DNM2: variants seen among roughly 807,000 people sequenced by gnomAD.
The protein encoded by DNM2 is dynamin-2.
A neutral mutation model predicts 99.0 loss-of-function variants in DNM2; 15 were observed. That is an observed-to-expected ratio of 0.15 (90% CI 0.10 to 0.23). DNM2 has a LOEUF of 0.23. DNM2 is among the 10% of genes least tolerant of loss of function. The probability of loss-of-function intolerance (pLI) is 1.00; values close to 1 mark genes in which losing one functional copy is unlikely to be tolerated. For missense variants in DNM2, 742 were observed against 1,189.4 expected (o/e 0.62, Z 5.53); for synonymous variants, 525 against 481.2 (o/e 1.09, Z -1.19).
intron 1 of DNM2, 123 bp from the exon 2 acceptor site, chr19:10,759,615 G>A: frequency 2.6e-6 from 3 of 1,137,378 alleles, no homozygotes; most frequent in Non-Finnish European, 4.0e-6. Context: ...GCCCAGCTGG[G>A]GTTGGTGCCT....
chr19:10,805,065 C>T (rs926839543), intron 12 of DNM2, among the ~76,000 whole-genome samples: 1 of 152,102 alleles, frequency 6.6e-6, no homozygotes, highest in Admixed American at 6.5e-5. Context: ...AGTAGGTGTC[C>T]ACATATAAAA....
intron 11 of DNM2, 48 bp from the exon 12 acceptor site, chr19:10,802,240 C>T (rs1054120870): frequency 4.4e-6 from 7 of 1,606,724 alleles, no homozygotes; most frequent in Non-Finnish European, 6.0e-6. Flanking sequence ...GCTGCCCCCC[C>T]TTGCCAGGCT....
Position 10,779,493 on chromosome 19 carries a change from TC to T in DNM2, c.688+2278del, listed in dbSNP as rs1568296115. Among the ~76,000 whole-genome samples the T allele has an allele frequency of 2.8e-3, 330 of 119,540 alleles. 1 individual carries two copies. Among genetic ancestry groups the T allele is most frequent in the African/African-American group, 9.8e-3 (295 of 30,204 alleles). 78.4% of individuals were successfully genotyped at this position (119,540 alleles called of 152,430 possible). A position where few individuals can be genotyped will look rare whatever the true frequency, so the allele number is the denominator to read the frequency against. On this transcript the variant is annotated intron_variant, in intron 5 of 20. Coordinates refer to ENST00000389253, the MANE Select transcript of DNM2 (RefSeq NM_001005361.3). ...AAGTTTTTTTCTTTCTTTCTTTCTT[TC>T]TTTCTTTCTTTTTTTTTTTTTTTTT...
rs1278360961 is a variant in DNM2 at position 10,818,420 on chromosome 19, A to T, written c.1672-1560A>T. ...TCTGCAGTGGGCACCAAGCTCCTCC[A>T]TCCTCCTTGGATAGATGAGGAAACT... On this transcript the variant is annotated intron_variant, in intron 15 of 20. Transcript: ENST00000389253. This position sits in a 1 kb window ranked among gnomAD's most constrained non-coding sequence, Gnocchi z 4.3. Among the ~76,000 whole-genome samples, 1 of 152,282 alleles carries T rather than the reference A, an allele frequency of 6.6e-6. No individual in the cohort carries two copies. Among genetic ancestry groups the T allele is most frequent in the Non-Finnish European group, 1.5e-5 (1 of 68,014 alleles).
At chr19:10,741,086 C>T (rs1387727634) in intron 1 of DNM2, among the ~76,000 whole-genome samples, 1 of 152,078 alleles carries the variant, frequency 6.6e-6, no homozygotes, top group Non-Finnish European at 1.5e-5. Context: ...TCTGTCAGGT[C>T]TTATTGGTTT....
rs572493411 is a variant in DNM2 at position 10,783,015 on chromosome 19, C to T, written c.744C>T (p.Ile248=). 2 of 1,614,180 alleles carry T rather than the reference C, an allele frequency of 1.2e-6. No individual in the cohort carries two copies. Residue 248 remains isoleucine, a synonymous_variant, in exon 6 of 21, where the codon ATC becomes ATT. Coordinates refer to ENST00000389253, the MANE Select transcript of DNM2 (RefSeq NM_001005361.3). ...AGGATATTGAGGGCAAGAAGGACATCCGTGCAGCACTGGCAGCTGAGAGGA... is the reference window on the plus strand; with the variant it reads ...AGGATATTGAGGGCAAGAAGGACATTCGTGCAGCACTGGCAGCTGAGAGGA... ...SQKDIEGKKD[I]RAALAAERKF...
rs144122123 is a variant in DNM2, at chr19:10,799,643, C to T, written c.1422+1071C>T. Among the ~76,000 whole-genome samples, 23 of 150,458 alleles carry T rather than the reference C, an allele frequency of 1.5e-4. No homozygotes were observed. The East Asian group carries it at 3.6e-3, about 24-fold the overall frequency. ...CCACTTCCCAGGTTCAAGTGATTCTCATGCCTCAGCCTCCGAAGTAGCCAG... is the reference window on the plus strand; with the variant it reads ...CCACTTCCCAGGTTCAAGTGATTCTTATGCCTCAGCCTCCGAAGTAGCCAG... On this transcript the variant is annotated intron_variant, in intron 11 of 20. Coordinates refer to ENST00000389253, the MANE Select transcript of DNM2 (RefSeq NM_001005361.3).
Position 10,831,506 on chromosome 19 carries a change from G to C in DNM2, c.*459G>C, listed in dbSNP as rs1436361412. ...ATTAGCAGGAGCTCCCCAGCGGCAAGCCTGGCCCAGTGGGCTCGGTAGTGC... is the reference window on the plus strand; with the variant it reads ...ATTAGCAGGAGCTCCCCAGCGGCAACCCTGGCCCAGTGGGCTCGGTAGTGC... On this transcript the variant is annotated 3_prime_UTR_variant, in exon 21 of 21. Coordinates refer to ENST00000389253, the MANE Select transcript of DNM2 (RefSeq NM_001005361.3). The surrounding 1 kb of genome is among the most constrained non-coding windows in gnomAD (Gnocchi z 4.3). 1.0e-6 allele frequency: 1 copy of C among 987,842 alleles called. No individual in the cohort carries two copies. Among genetic ancestry groups the C allele is most frequent in the East Asian group, 1.1e-4 (1 of 8,912 alleles). 61.2% of individuals were successfully genotyped at this position (987,842 alleles called of 1,614,324 possible).
chr19:10,779,502 C>CTTTCTTTTTTTTTTTTTTTTTTTTTT (rs1290878626), intron 5 of DNM2, among the ~76,000 whole-genome samples: 1 of 29,602 alleles, frequency 3.4e-5, no homozygotes, highest in Admixed American at 5.9e-4. Flanking sequence ...TTCTTTCTTT[C>CTTTCTTTTTTTTTTTTTTTTTTTTTT]TTTTTTTTTT....
At chr19:10,780,980 T>C (rs2071348799) in intron 5 of DNM2, among the ~76,000 whole-genome samples, 1 of 145,088 alleles carries the variant, frequency 6.9e-6, no homozygotes, top group Non-Finnish European at 1.5e-5. Context: ...ATTGCACCAC[T>C]GTACTCCAGC....
intron 7 of DNM2, among the ~76,000 whole-genome samples, chr19:10,790,985 CT>C (rs1316116941): frequency 6.6e-6 from 1 of 152,180 alleles, no homozygotes; most frequent in Non-Finnish European, 1.5e-5. Flanking sequence ...CTAGGCTGAT[CT>C]TAAACTCCTG....
chr19:10,786,148 T>C (rs1005933341), intron 6 of DNM2, among the ~76,000 whole-genome samples: 1 of 152,232 alleles, frequency 6.6e-6, no homozygotes, highest in African/African-American at 2.4e-5. Flanking sequence ...TAGATGCAGA[T>C]GCAGCCGGGG....
rs3786719 is a variant in DNM2, at chr19:10,816,424, G to A, written c.1672-3556G>A. Among the ~76,000 whole-genome samples the A allele has an allele frequency of 6.6e-6, 1 of 151,764 alleles. No individual in the cohort carries two copies. Among genetic ancestry groups the A allele is most frequent in the African/African-American group, 2.4e-5 (1 of 41,286 alleles). On this transcript the variant is annotated intron_variant, in intron 15 of 20. Transcript: ENST00000389253. The surrounding 1 kb of genome is among the most constrained non-coding windows in gnomAD (Gnocchi z 4.6). ...AAGCATTTCTGGGGTCCCTGTGGAA[G>A]CTTCCAGAACCTCAGATCCAGCGAA... is the stretch of plus-strand genomic sequence containing the variant.
Position 10,818,000 on chromosome 19 carries a change from C to T in DNM2, c.1672-1980C>T, listed in dbSNP as rs1305885044. 6.6e-6 allele frequency among the ~76,000 whole-genome samples: 1 copy of T among 152,086 alleles called. No homozygotes were observed. Among genetic ancestry groups the T allele is most frequent in the African/African-American group, 2.4e-5 (1 of 41,418 alleles). ...ATGATAGGGTCAGGGCAGCAAAGGC[C>T]CTTGGGCAAACGTCCGAGCCGGGGG... is the stretch of plus-strand genomic sequence containing the variant. On this transcript the variant is annotated intron_variant, in intron 15 of 20. Coordinates refer to ENST00000389253, the MANE Select transcript of DNM2 (RefSeq NM_001005361.3). The surrounding 1 kb of genome is among the most constrained non-coding windows in gnomAD (Gnocchi z 4.6).
rs1040102521 is a variant in DNM2 at position 10,830,130 on chromosome 19, C to T, written c.2295C>T (p.Pro765=). The T allele has an allele frequency of 4.3e-6, 7 of 1,613,746 alleles. No homozygotes were observed. In the African/African-American group the frequency reaches 9.3e-5, roughly 22 times the overall value. The part of the protein sequence containing the change: ...TWLQSASSHS[P]TPQRRPVSSI... ...CACACCCTCTCCTTCCTCACAGCCC[C>T]ACTCCACAGCGCCGACCGGTGTCCA... Residue 765 remains proline (P), a synonymous_variant, in exon 20 of 21, where the codon CCC becomes CCT. Transcript: ENST00000389253. This position sits in a 1 kb window ranked among gnomAD's most constrained non-coding sequence, Gnocchi z 4.8.
intron 1 of DNM2, among the ~76,000 whole-genome samples, chr19:10,733,771 C>T (rs913205173): frequency 6.6e-6 from 1 of 151,938 alleles, no homozygotes; most frequent in South Asian, 2.1e-4. Context: ...CTTTGGGAGG[C>T]AGAGGCAGGT....
At chr19:10,720,219 T>A (rs1419076333) in intron 1 of DNM2, among the ~76,000 whole-genome samples, 6 of 147,828 alleles carry the variant, frequency 4.1e-5, no homozygotes, top group Non-Finnish European at 5.9e-5. Flanking sequence ...TTTATTTATT[T>A]TTTTTTTTTT....
At chr19:10,729,178 A>AT (rs2069215392) in intron 1 of DNM2, among the ~76,000 whole-genome samples, 2 of 125,442 alleles carry the variant, frequency 1.6e-5, no homozygotes, top group African/African-American at 3.1e-5. Context: ...AAAAAAAAAA[A>AT]AAAAAAAAAA....
Position 10,765,719 on chromosome 19 carries a change from G to A in DNM2, c.235+5908G>A, listed in dbSNP as rs546215562. On this transcript the variant is annotated intron_variant, in intron 2 of 20. Transcript: ENST00000389253. The surrounding 1 kb of genome is among the most constrained non-coding windows in gnomAD (Gnocchi z 4.4). Reference sequence around the variant, plus strand: ...AGGCTCTCAAAAGTCCTGCATGAGTGGATCCTGCCTGCTGGCGTGGTAGCT... The same window carrying A: ...AGGCTCTCAAAAGTCCTGCATGAGTAGATCCTGCCTGCTGGCGTGGTAGCT... Among the ~76,000 whole-genome samples, 3 of 152,366 alleles carry A rather than the reference G, an allele frequency of 2.0e-5. No individual in the cohort carries two copies. Among genetic ancestry groups the A allele is most frequent in the Admixed American group, 6.5e-5 (1 of 15,300 alleles).
Sources: gnomAD v4.1 joint callset for allele counts (sites outside exome capture counted in the v4.1 genomes callset) on GRCh38, gnomAD v4.1.1 for gene constraint, Gnocchi (gnomAD v3.1) non-coding constraint, MANE v1.5 for transcripts, NCBI Gene and HGNC (gene_info 2026-07-23, HGNC 2026-07-21) for gene names.